Variants in ZNF385D observed in about 807,000 individuals in gnomAD.
ZNF385D encodes the protein zinc finger protein 659.
ZNF385D carries 15 observed loss-of-function variants against 35.8 expected under a neutral mutation model. The ratio of observed to expected loss-of-function variants is 0.42; its 90% CI spans 0.28 to 0.64. The LOEUF is 0.64. Among genes scored for constraint, ZNF385D ranks in the 30% least tolerant of loss-of-function variants. The pLI is 0.23. For synonymous variants in ZNF385D, 212 were observed against 186.8 expected, an observed-to-expected ratio of 1.13 and a Z score of -1.10; for missense variants, 474 against 494.6, an observed-to-expected ratio of 0.96 and a Z score of 0.39.
chr3:21,738,405 C>T (rs1000028548), intron 1 of ZNF385D, among the ~76,000 whole-genome samples: 19 of 152,138 alleles, frequency 1.2e-4, no homozygotes, highest in African/African-American at 4.1e-4. Flanking sequence ...GATAATTCTT[C>T]CATAACAGGG....
chr3:21,812,894 C>T lies in ZNF385D; in HGVS notation c.326-147866G>A, dbSNP rs185883123. On this transcript the variant is annotated intron_variant, in intron 3 of 5. Coordinates refer to the ZNF385D transcript ENST00000494108. ...AGATCTGAGAATGGACAGAGTGCCT[C>T]CTCAAGTGGGTCCCTGACCCCTGAG... Among the ~76,000 whole-genome samples, 4 of 152,346 alleles carry T rather than the reference C, an allele frequency of 2.6e-5. No homozygotes were observed. In the East Asian group the frequency reaches 5.8e-4, roughly 22 times the overall value.
chr3:21,914,001 TA>T (rs1271627622), intron 3 of ZNF385D, among the ~76,000 whole-genome samples: 3 of 152,126 alleles, frequency 2.0e-5, no homozygotes, highest in African/African-American at 7.2e-5. Context: ...TTGTTTGGTT[TA>T]TCTAGGCTCA....
At chr3:21,650,363 A>C (rs571306442) in intron 2 of ZNF385D, among the ~76,000 whole-genome samples, 4 of 148,256 alleles carry the variant, frequency 2.7e-5, no homozygotes, top group Admixed American at 2.0e-4. Flanking sequence ...CTTTTAGCTT[A>C]CTTGGCTGTA....
chr3:22,240,449 T>A (rs1385281472), intron 2 of ZNF385D, among the ~76,000 whole-genome samples: 1 of 151,060 alleles, frequency 6.6e-6, no homozygotes. Context: ...AGTTCCAGCC[T>A]ACATCATGTT....
intron 3 of ZNF385D, among the ~76,000 whole-genome samples, chr3:21,937,449 A>C (rs1701316367): frequency 6.6e-6 from 1 of 152,186 alleles, no homozygotes; most frequent in African/African-American, 2.4e-5. Context: ...ATAATTATTT[A>C]TGCTAGAAGT....
rs74485018 is a variant in ZNF385D, at chr3:21,430,170, T to A, written c.674-4500A>T. On this transcript the variant is annotated intron_variant, in intron 5 of 7. Transcript: ENST00000281523. ...AAGAAGAAAACTTTGGTTTACATTA[T>A]CAGAATATCAACAAACATTAAGCAC... 8.1e-4 allele frequency among the ~76,000 whole-genome samples: 124 copies of A among 152,154 alleles called. 2 individuals are homozygous for A. The East Asian group carries it at 0.022, about 28-fold the overall frequency.
intron 3 of ZNF385D, among the ~76,000 whole-genome samples, chr3:21,952,591 A>T (rs1702113962): frequency 6.6e-6 from 1 of 152,000 alleles, no homozygotes; most frequent in Non-Finnish European, 1.5e-5. Context: ...TTTAAAATAT[A>T]GATAATAATA....
intron 5 of ZNF385D, among the ~76,000 whole-genome samples, chr3:21,434,578 T>C (rs1701460904): frequency 6.6e-6 from 1 of 152,154 alleles, no homozygotes; most frequent in Non-Finnish European, 1.5e-5. Context: ...CTAGACATGG[T>C]GAGCCTTCCA....
intron 3 of ZNF385D, among the ~76,000 whole-genome samples, chr3:22,099,177 T>G (rs961100217): frequency 6.6e-6 from 1 of 152,068 alleles, no homozygotes; most frequent in African/African-American, 2.4e-5. Flanking sequence ...GGAAAAATGC[T>G]CATAATGAAG....
chr3:21,919,435 C>T (rs1479988), intron 3 of ZNF385D, among the ~76,000 whole-genome samples: 81,361 of 152,016 alleles, frequency 0.54, 23,828 homozygotes, highest in South Asian at 0.66. Context: ...TACCAATAGT[C>T]ACTGAACTGT....
At chr3:21,775,716 C>A (rs762282875) in intron 3 of ZNF385D, among the ~76,000 whole-genome samples, 2 of 151,814 alleles carry the variant, frequency 1.3e-5, no homozygotes, top group Middle Eastern at 6.8e-3. Context: ...ACAAAGTATT[C>A]GATGACAGGA....
chr3:22,161,960 A>G (rs1226565072), intron 3 of ZNF385D, among the ~76,000 whole-genome samples: 3 of 152,182 alleles, frequency 2.0e-5, no homozygotes, highest in African/African-American at 7.2e-5. Flanking sequence ...CAAGTCTGTT[A>G]GGTTCTTTGA....
At chr3:22,297,648 TG>T (rs1216439751) in intron 2 of ZNF385D, among the ~76,000 whole-genome samples, 2 of 152,102 alleles carry the variant, frequency 1.3e-5, no homozygotes, top group African/African-American at 4.8e-5. Context: ...GACCTCAGGC[TG>T]TTCTTTTCTT....
intron 2 of ZNF385D, among the ~76,000 whole-genome samples, chr3:21,619,543 G>A (rs1389284250): frequency 1.3e-5 from 2 of 151,980 alleles, no homozygotes; most frequent in African/African-American, 4.8e-5. Context: ...AAACAACACT[G>A]ATAAAACACA....
chr3:22,348,366 G>A (rs1695753994), intron 2 of ZNF385D, among the ~76,000 whole-genome samples: 1 of 151,740 alleles, frequency 6.6e-6, no homozygotes, highest in African/African-American at 2.4e-5. Flanking sequence ...GGGGAAAGTA[G>A]GCTGGGTGCC....
At chr3:22,095,733 C>T (rs909241077) in intron 3 of ZNF385D, among the ~76,000 whole-genome samples, 1 of 151,650 alleles carries the variant, frequency 6.6e-6, no homozygotes, top group Non-Finnish European at 1.5e-5. Context: ...TATTTTCTTT[C>T]CTTCTGAGAT....
intron 2 of ZNF385D, among the ~76,000 whole-genome samples, chr3:22,355,679 C>T (rs1696118176): frequency 6.6e-6 from 1 of 151,798 alleles, no homozygotes; most frequent in African/African-American, 2.4e-5. Context: ...TCCAGGAAAA[C>T]TTCTAAAAAT....
At chr3:22,158,901 A>G (rs1251489840) in intron 3 of ZNF385D, among the ~76,000 whole-genome samples, 4 of 152,094 alleles carry the variant, frequency 2.6e-5, no homozygotes, top group African/African-American at 4.8e-5. Context: ...TACTAGCTCC[A>G]TTACCTTGGG....
chr3:21,445,278 G>T (rs1232751891), intron 4 of ZNF385D, among the ~76,000 whole-genome samples: 1 of 152,296 alleles, frequency 6.6e-6, no homozygotes, highest in Non-Finnish European at 1.5e-5. Context: ...AGATGTAAAA[G>T]GGTGACTGAC....
Sources: allele counts gnomAD v4.1 joint callset (sites outside exome capture counted in the v4.1 genomes callset), GRCh38; gene constraint gnomAD v4.1.1; transcripts MANE v1.5; gene names NCBI Gene and HGNC (gene_info 2026-07-23, HGNC 2026-07-21).